The following CEMIP variants were observed in gnomAD, a reference collection of about 807,000 sequenced individuals.
The protein encoded by CEMIP is cell migration inducing hyaluronidase 1.
A neutral mutation model predicts 156.9 loss-of-function variants in CEMIP; 105 were observed. That is an observed-to-expected ratio of 0.67 (90% CI 0.57 to 0.79). CEMIP has a LOEUF of 0.79. Among genes scored for constraint, CEMIP ranks in the 30% least tolerant of loss-of-function variants. The pLI, the probability that CEMIP is intolerant of heterozygous loss-of-function variation, is 0.00. For missense variants in CEMIP, 1,457 were observed against 1,769.4 expected (o/e 0.82, Z 3.17); for synonymous variants, 676 against 668.4 (o/e 1.01, Z -0.17).
chr15:80,855,812 C>T (rs994357340), intron 1 of CEMIP, among the ~76,000 whole-genome samples: 6 of 152,148 alleles, frequency 3.9e-5, no homozygotes, highest in Admixed American at 1.3e-4. Flanking sequence ...TGTGAGCCAC[C>T]GCACCCAGCC....
At chr15:80,794,751 A>T (rs1896173029) in intron 1 of CEMIP, among the ~76,000 whole-genome samples, 1 of 152,224 alleles carries the variant, frequency 6.6e-6, no homozygotes, top group African/African-American at 2.4e-5. Flanking sequence ...CTAGTGGAAC[A>T]GTGTAGGTCT....
chr15:80,863,293 G>A (rs1898033613), intron 1 of CEMIP, among the ~76,000 whole-genome samples: 1 of 152,222 alleles, frequency 6.6e-6, no homozygotes, highest in African/African-American at 2.4e-5. Flanking sequence ...TGTTGGACAA[G>A]GAGTTGAAAG....
At chr15:80,849,247 G>A (rs1897648828) in intron 1 of CEMIP, among the ~76,000 whole-genome samples, 2 of 151,918 alleles carry the variant, frequency 1.3e-5, no homozygotes, top group Non-Finnish European at 2.9e-5. Context: ...CCAAAGTGCT[G>A]GGATTATAGG....
At chr15:80,857,900 A>G (rs1897891665) in intron 1 of CEMIP, among the ~76,000 whole-genome samples, 1 of 152,194 alleles carries the variant, frequency 6.6e-6, no homozygotes, top group Non-Finnish European at 1.5e-5. Flanking sequence ...AGGACTTTAG[A>G]CTGGGACCTG....
At chr15:80,790,483 A>G (rs1896053567) in intron 1 of CEMIP, among the ~76,000 whole-genome samples, 1 of 152,168 alleles carries the variant, frequency 6.6e-6, no homozygotes, top group Non-Finnish European at 1.5e-5. Context: ...TGCATGCATC[A>G]TCTTATTTAA....
At chr15:80,849,596 G>A (rs1000653437) in intron 1 of CEMIP, among the ~76,000 whole-genome samples, 4 of 152,290 alleles carry the variant, frequency 2.6e-5, no homozygotes, top group East Asian at 1.9e-4. Context: ...CCAGTTACTC[G>A]TGTGCTGGAC....
chr15:80,798,671 T>C (rs532751098), intron 1 of CEMIP, among the ~76,000 whole-genome samples: 90 of 152,364 alleles, frequency 5.9e-4, no homozygotes, highest in African/African-American at 2.0e-3. Flanking sequence ...GAATTATGTA[T>C]TCATATCATA....
intron 1 of CEMIP, among the ~76,000 whole-genome samples, chr15:80,821,597 AGAAGACAGGCT>A (rs1281531617): frequency 6.6e-6 from 1 of 152,244 alleles, no homozygotes; most frequent in Non-Finnish European, 1.5e-5. Context: ...GGTTCATCCA[AGAAGACAGGCT>A]GAAGGGTTGC....
At position 80,891,338 on chromosome 15, in the gene CEMIP, C is replaced by A. The variant is rs376383921; in HGVS notation, c.1086+1746C>A. Among the ~76,000 whole-genome samples, 162 of 152,304 alleles carry A rather than the reference C, an allele frequency of 1.1e-3. 4 individuals are homozygous for A. The South Asian group carries it at 0.033, about 31-fold the overall frequency. ...CAGACACAGGCCCTTCCTAGAGTGT[C>A]CCAAAACACAATTAAACCCAGGCTG... On this transcript the variant is annotated intron_variant, in intron 10 of 29. Coordinates refer to ENST00000394685, the MANE Select transcript of CEMIP (RefSeq NM_001293298.2).
intron 1 of CEMIP, among the ~76,000 whole-genome samples, chr15:80,861,412 C>A (rs1016601477): frequency 1.3e-5 from 2 of 152,218 alleles, no homozygotes; most frequent in Non-Finnish European, 2.9e-5. Flanking sequence ...CCCTGCACTA[C>A]GCTCATCTTT....
chr15:80,948,828 C>T lies in CEMIP; in HGVS notation c.3990C>T (p.Ser1330=), dbSNP rs1208276076. ...EQMAFVGFKG[S]FRPIWVTLDT... ...TGGCATTCGTTGGCTTCAAAGGCAG[C>T]TTCCGGCCCATCTGGGTGACACTGG... Residue 1330 remains serine, a synonymous_variant, in exon 30 of 30, where the codon AGC becomes AGT. Transcript: ENST00000394685. The T allele has an allele frequency of 6.2e-7, 1 of 1,614,114 alleles. No individual in the cohort carries two copies. Among genetic ancestry groups the T allele is most frequent in the East Asian group, 2.2e-5 (1 of 44,890 alleles).
chr15:80,834,341 T>G (rs1026320473), intron 1 of CEMIP, among the ~76,000 whole-genome samples: 1 of 152,218 alleles, frequency 6.6e-6, no homozygotes, highest in African/African-American at 2.4e-5. Context: ...TTTAAAATTG[T>G]TAGTCCTTTT....
At chr15:80,928,148 G>C (rs1236515047) in intron 19 of CEMIP, among the ~76,000 whole-genome samples, 1 of 152,138 alleles carries the variant, frequency 6.6e-6, no homozygotes, top group Non-Finnish European at 1.5e-5. Flanking sequence ...AGGAGCAGAG[G>C]CATAGAGACC....
intron 18 of CEMIP, 64 bp downstream of exon 18, chr15:80,924,770 C>T: frequency 7.6e-7 from 1 of 1,320,624 alleles, no homozygotes; most frequent in Non-Finnish European, 1.1e-6. Context: ...GCCTCCCCCT[C>T]CTTCAATCAC....
At chr15:80,921,893 G>C (rs1473689832) in intron 16 of CEMIP, 116 bp from the exon 17 acceptor site, 8 of 1,367,998 alleles carry the variant, frequency 5.8e-6, no homozygotes, top group Non-Finnish European at 7.3e-6. Flanking sequence ...GAGGGCTCCT[G>C]TGGGTGACGG....
In CEMIP at chr15:80,881,010, T is replaced by C; in HGVS notation, c.491T>C (p.Leu164Pro). The C allele has an allele frequency of 6.2e-7, 1 of 1,614,256 alleles. No homozygotes were observed. The highest frequency in any genetic ancestry group is 8.5e-7 in the Non-Finnish European group (1 of 1,180,030). The change falls in exon 6 of 30, where the codon CTG becomes CCG. Residue 164 changes from leucine (L) to proline (P), a missense_variant. By Grantham distance (98) the Leu-to-Pro change is moderately conservative (BLOSUM62 -3). Around this residue, in one of 5 missense-constraint regions of CEMIP, gnomAD observed 309 missense variants for 340.8 expected, o/e 0.91. Transcript: ENST00000394685. ...CAGAAAAAGCTCTCCTGGACATTTC[T>C]GAACAAGACCCTTCACCCAGGTGGC... ...HGQKKLSWTF[L>P]NKTLHPGGMA...
At chr15:80,844,042 C>G (rs1348101224) in intron 1 of CEMIP, among the ~76,000 whole-genome samples, 1 of 152,268 alleles carries the variant, frequency 6.6e-6, no homozygotes, top group Non-Finnish European at 1.5e-5. Context: ...CCTTCACTCT[C>G]CATGGGGGCT....
chr15:80,833,306 C>T (rs1451824807), intron 1 of CEMIP, among the ~76,000 whole-genome samples: 2 of 152,088 alleles, frequency 1.3e-5, no homozygotes, highest in Admixed American at 1.3e-4. Context: ...GGGTCCCCTC[C>T]ACCCACCGAG....
Position 80,906,656 on chromosome 15 carries a change from G to A in CEMIP, c.1412-7G>A, listed in dbSNP as rs974969678. The A allele has an allele frequency of 6.2e-7, 1 of 1,611,458 alleles. No individual in the cohort carries two copies. Among genetic ancestry groups the A allele is most frequent in the Non-Finnish European group, 8.5e-7 (1 of 1,178,150 alleles). On this transcript the variant is annotated splice_polypyrimidine_tract_variant and splice_region_variant and intron_variant, in intron 12 of 29. Transcript: ENST00000394685. The surrounding 1 kb of genome is among the most constrained non-coding windows in gnomAD (Gnocchi z 4.3). Reference sequence around the variant, plus strand: ...CTGTTGTTTACCGTCCTCCCTTTCTGCCCTAGGGAAACCAATGTACCTGCA... The same window carrying A: ...CTGTTGTTTACCGTCCTCCCTTTCTACCCTAGGGAAACCAATGTACCTGCA...
Sources: allele counts gnomAD v4.1 joint callset (sites outside exome capture counted in the v4.1 genomes callset), GRCh38; gene constraint gnomAD v4.1.1; regional missense constraint gnomAD v4.1.1; non-coding constraint Gnocchi (gnomAD v3.1); transcripts MANE v1.5; gene names NCBI Gene and HGNC (gene_info 2026-07-23, HGNC 2026-07-21).